Variants in EML5 observed in about 807,000 individuals in gnomAD.
EML5 encodes the protein EMAP like 5.
A neutral mutation model predicts 250.0 loss-of-function variants in EML5; 120 were observed. The ratio of observed to expected loss-of-function variants is 0.48; its 90% confidence interval spans 0.41 to 0.56. EML5 has a LOEUF of 0.56. Ranked by LOEUF, EML5 falls within the 20% of genes least tolerant of loss-of-function variation. The probability of loss-of-function intolerance (pLI) is 0.00; values close to 1 mark genes in which losing one functional copy is unlikely to be tolerated. For synonymous variants in EML5, 771 were observed against 806.5 expected (o/e 0.96, Z 0.75); for missense variants, 2,006 against 2,437.6 (o/e 0.82, Z 3.73).
rs774955942 is a variant in EML5, at chr14:88,740,413, T to C, written c.685A>G (p.Ile229Val). 3.1e-6 allele frequency: 5 copies of C among 1,612,686 alleles called. No homozygotes were observed. The highest frequency in any genetic ancestry group is 2.7e-5 in the African/African-American group (2 of 74,892). Residue 229 changes from isoleucine to valine, a missense_variant, in exon 5 of 44, where the codon ATA (isoleucine) becomes GTA (valine). Transcript: ENST00000554922. ...DIYVWKGINLIRTIQGAHAAG... is the reference protein window; with the variant it reads ...DIYVWKGINLVRTIQGAHAAG... The stretch of plus-strand genomic sequence containing the variant: ...GCATGGGCTCCTTGTATTGTTCGTA[T>C]AAGATTGATTCCTTTCCAAACATAT...
intron 7 of EML5, among the ~76,000 whole-genome samples, chr14:88,733,959 T>TAAC (rs72177625): frequency 6.6e-5 from 10 of 150,434 alleles, no homozygotes; most frequent in South Asian, 4.2e-4. Context: ...ATATGAAAAA[T>TAAC]AACAACAACA....
chr14:88,657,397 T>G lies in EML5; in HGVS notation c.3983A>C (p.Lys1328Thr), dbSNP rs896061284. The stretch of plus-strand genomic sequence containing the variant: ...TTACCTTTCATCAATTGAGGGTTCT[T>G]TTTGTTGTAAATGAGGCTTGATTCC... ...MLGIKPHLQQ[K>T]EPSIDERQGV... is the part of the protein sequence containing the mutation. Residue 1328 changes from lysine (K) to threonine (T), a missense_variant, in exon 27 of 44, where the codon AAA (lysine) becomes ACA (threonine). Lys to Thr is a moderately conservative substitution (Grantham distance 78, BLOSUM62 -1). Transcript: ENST00000554922. 1.9e-6 allele frequency: 3 copies of G among 1,582,520 alleles called. No homozygotes were observed. The highest frequency in any genetic ancestry group is 2.6e-6 in the Non-Finnish European group (3 of 1,161,686).
At chr14:88,775,255 C>G (rs980660658) in intron 1 of EML5, among the ~76,000 whole-genome samples, 9 of 152,220 alleles carry the variant, frequency 5.9e-5, no homozygotes, top group Non-Finnish European at 1.2e-4. Context: ...AATACTTTGT[C>G]TTGTACCTTA....
chr14:88,756,848 G>C (rs2094167595), intron 1 of EML5, among the ~76,000 whole-genome samples: 2 of 152,088 alleles, frequency 1.3e-5, no homozygotes, highest in Admixed American at 1.3e-4. Flanking sequence ...TAAATGGAAA[G>C]ACATCTCATT....
rs1445173932 is a variant in EML5 at position 88,792,528 on chromosome 14, C to T, written c.-25G>A. 3.1e-6 allele frequency: 4 copies of T among 1,292,978 alleles called. No individual in the cohort carries two copies. In the East Asian group the frequency reaches 9.6e-5, roughly 31 times the overall value. 80.1% of individuals were successfully genotyped at this position (1,292,978 alleles called of 1,614,324 possible). On this transcript the variant is annotated 5_prime_UTR_variant, in exon 1 of 44. Transcript: ENST00000554922. The surrounding 1 kb of genome is among the most constrained non-coding windows in gnomAD (Gnocchi z 6.9). Reference sequence around the variant, plus strand: ...TGTCGGGGCGCCCACCCGCCGCTCCCGCTCGGGCCCGCGGCGGCGACGGGA... The same window carrying T: ...TGTCGGGGCGCCCACCCGCCGCTCCTGCTCGGGCCCGCGGCGGCGACGGGA...
chr14:88,663,216 T>C (rs1379227221), intron 23 of EML5, 97 bp from the exon 24 acceptor site: 5 of 803,088 alleles, frequency 6.2e-6, no homozygotes, highest in South Asian at 3.0e-5. Context: ...AAAAATCAGC[T>C]TAAATATAAA....
At chr14:88,681,773 A>G in intron 21 of EML5, 117 bp downstream of exon 21, 1 of 1,186,202 alleles carries the variant, frequency 8.4e-7, no homozygotes, top group Non-Finnish European at 1.1e-6. Flanking sequence ...GACATTGAAT[A>G]AATATTTCAA....
intron 32 of EML5, among the ~76,000 whole-genome samples, chr14:88,634,903 A>T (rs1170011077): frequency 2.0e-5 from 3 of 152,190 alleles, no homozygotes; most frequent in Non-Finnish European, 4.4e-5. Flanking sequence ...TCAACTAAAG[A>T]TTTTCCGTAT....
intron 28 of EML5, among the ~76,000 whole-genome samples, chr14:88,648,816 T>C (rs114893438): frequency 0.015 from 2,265 of 152,284 alleles, 58 homozygotes; most frequent in African/African-American, 0.051. Flanking sequence ...TTATTTCTGG[T>C]AAAATAGTAT....
At chr14:88,688,220 T>C (rs1291179828) in intron 18 of EML5, 51 bp downstream of exon 18, 2 of 1,592,664 alleles carry the variant, frequency 1.3e-6, no homozygotes, top group African/African-American at 2.7e-5. Flanking sequence ...TAAAATGCTC[T>C]ACACTCCAGG....
In EML5 at chr14:88,763,114, C is replaced by T. The variant is rs552332846; in HGVS notation, c.198-8443G>A. Among the ~76,000 whole-genome samples the T allele has an allele frequency of 4.4e-4, 67 of 152,180 alleles. No individual in the cohort carries two copies. The South Asian group carries it at 0.013, about 30-fold the overall frequency. On this transcript the variant is annotated intron_variant, in intron 1 of 43. Transcript: ENST00000554922. ...ATTAAAACACTTAGAGAAACAAAAG[C>T]AAACAAATTCAAAAGCTAGCAGAAG...
intron 8 of EML5, among the ~76,000 whole-genome samples, chr14:88,724,273 CAAAA>C (rs1158845753): frequency 2.5e-5 from 2 of 80,718 alleles, no homozygotes; most frequent in African/African-American, 3.9e-5. Context: ...GACTCCATAT[CAAAA>C]AAAAAAAAAA....
chr14:88,740,136 T>C (rs1217686553), intron 5 of EML5, among the ~76,000 whole-genome samples: 1 of 152,174 alleles, frequency 6.6e-6, no homozygotes, highest in Non-Finnish European at 1.5e-5. Context: ...TTTTCAACAC[T>C]ACTCTTCAGA....
intron 18 of EML5, 85 bp from the exon 19 acceptor site, chr14:88,687,412 G>A: frequency 2.1e-6 from 2 of 948,276 alleles, no homozygotes; most frequent in Admixed American, 3.2e-5. Flanking sequence ...AAAACTTCTA[G>A]AAAAAAGAAC....
intron 27 of EML5, among the ~76,000 whole-genome samples, chr14:88,654,633 T>C (rs1271782703): frequency 6.6e-6 from 1 of 152,198 alleles, no homozygotes; most frequent in Non-Finnish European, 1.5e-5. Context: ...AATTGCACTA[T>C]GGTTTGAGAG....
chr14:88,737,815 T>C (rs2093867339), intron 6 of EML5, among the ~76,000 whole-genome samples: 1 of 152,228 alleles, frequency 6.6e-6, no homozygotes, highest in South Asian at 2.1e-4. Context: ...GCTCAGCCAG[T>C]CTTATAACAC....
chr14:88,787,985 C>T (rs2094568110), intron 1 of EML5, among the ~76,000 whole-genome samples: 1 of 152,152 alleles, frequency 6.6e-6, no homozygotes, highest in African/African-American at 2.4e-5. Flanking sequence ...TTCCTGGGCT[C>T]CAACCCTAGA....
intron 8 of EML5, among the ~76,000 whole-genome samples, chr14:88,718,318 G>C (rs561976632): frequency 6.6e-6 from 1 of 152,310 alleles, no homozygotes; most frequent in Admixed American, 6.5e-5. Context: ...GTAACTGACA[G>C]CAGAGGCAGA....
intron 1 of EML5, among the ~76,000 whole-genome samples, chr14:88,781,681 T>C (rs2094499041): frequency 1.3e-5 from 2 of 152,178 alleles, no homozygotes; most frequent in Non-Finnish European, 2.9e-5. Context: ...GATAGTGAGT[T>C]CCCATGAGAT....
Sources: gnomAD v4.1 joint callset for allele counts (sites outside exome capture counted in the v4.1 genomes callset) on GRCh38, gnomAD v4.1.1 for gene constraint, Gnocchi (gnomAD v3.1) non-coding constraint, MANE v1.5 for transcripts, NCBI Gene and HGNC (gene_info 2026-07-23, HGNC 2026-07-21) for gene names.